The following CACNA1D variants were observed in gnomAD, a reference collection of about 807,000 sequenced individuals.
CACNA1D encodes calcium voltage-gated channel subunit alpha1 D, also known as voltage-dependent L-type calcium channel subunit alpha-1D.
CACNA1D carries 55 observed loss-of-function variants against 257.1 expected under a neutral mutation model. The observed-to-expected ratio is 0.21, with a 90% CI of 0.17 to 0.27. The LOEUF (loss-of-function observed/expected upper bound fraction) is 0.27. Ranked by LOEUF, CACNA1D falls within the 10% of genes least tolerant of loss-of-function variation. CACNA1D has a pLI of 1.00. For synonymous variants in CACNA1D, 980 were observed against 1,014.9 expected, an observed-to-expected ratio of 0.97 and a Z score of 0.65; for missense variants, 1,876 against 2,784.0, an observed-to-expected ratio of 0.67 and a Z score of 7.34.
chr3:53,700,540 G>A (rs2094613581), intron 8 of CACNA1D, among the ~76,000 whole-genome samples: 1 of 152,210 alleles, frequency 6.6e-6, no homozygotes, highest in African/African-American at 2.4e-5. Context: ...TATTTCCCAT[G>A]TGTCAGGAAA....
At chr3:53,584,237 A>G (rs1302374257) in intron 3 of CACNA1D, among the ~76,000 whole-genome samples, 1 of 152,188 alleles carries the variant, frequency 6.6e-6, no homozygotes, top group Non-Finnish European at 1.5e-5. Flanking sequence ...GAGAGAGGGA[A>G]TAGATGCACA....
rs534713576 is a variant in CACNA1D at position 53,705,097 on chromosome 3, G to T, written c.1390+2287G>T. 1.4e-4 allele frequency among the ~76,000 whole-genome samples: 22 copies of T among 152,332 alleles called. No homozygotes were observed. The South Asian group carries it at 3.9e-3, about 27-fold the overall frequency. On this transcript the variant is annotated intron_variant, in intron 9 of 47. Transcript: ENST00000350061. ...CTGCCTTTCAGAGAACTTGCCATGAGGGGAAGATGGAGAAGGAGTGGCTTA... is the reference window on the plus strand; with the variant it reads ...CTGCCTTTCAGAGAACTTGCCATGATGGGAAGATGGAGAAGGAGTGGCTTA...
At chr3:53,554,195 CAA>C (rs536981451) in intron 3 of CACNA1D, among the ~76,000 whole-genome samples, 44 of 113,932 alleles carry the variant, frequency 3.9e-4, no homozygotes, top group African/African-American at 1.0e-3. Flanking sequence ...GACTCTGTCT[CAA>C]AAAAAAAAAA....
chr3:53,521,571 A>G (rs1458078323), intron 3 of CACNA1D, among the ~76,000 whole-genome samples: 1 of 152,112 alleles, frequency 6.6e-6, no homozygotes, highest in Non-Finnish European at 1.5e-5. Flanking sequence ...TCACCTTGGG[A>G]CATTCTCAGT....
In CACNA1D at chr3:53,753,686, A is replaced by G; in HGVS notation, c.3786+4A>G. The G allele has an allele frequency of 6.4e-7, 1 of 1,570,264 alleles. No homozygotes were observed. The highest frequency in any genetic ancestry group is 8.8e-7 in the Non-Finnish European group (1 of 1,139,778). ...AGTCATCGCATTTAAGCCTAAGGTG[A>G]GTTGCAGAACCCACTTTTCAAAGGT... On this transcript the variant is annotated splice_donor_region_variant and intron_variant, in intron 29 of 47. Coordinates refer to ENST00000350061, the MANE Select transcript of CACNA1D (RefSeq NM_001128840.3).
intron 8 of CACNA1D, among the ~76,000 whole-genome samples, chr3:53,696,313 C>T (rs1001498049): frequency 1.3e-5 from 2 of 152,230 alleles, no homozygotes; most frequent in African/African-American, 4.8e-5. Context: ...CTACCTTCTC[C>T]TTCCTCTGCT....
chr3:53,678,295 A>G (rs1290555103), intron 8 of CACNA1D, among the ~76,000 whole-genome samples: 1 of 152,236 alleles, frequency 6.6e-6, no homozygotes, highest in East Asian at 1.9e-4. Flanking sequence ...TATTTGAAAT[A>G]CTTTGTTAAG....
chr3:53,678,808 A>G (rs753609532), intron 8 of CACNA1D, among the ~76,000 whole-genome samples: 1 of 152,326 alleles, frequency 6.6e-6, no homozygotes. Context: ...ATTTAAATTC[A>G]TACTAGTAAT....
intron 5 of CACNA1D, among the ~76,000 whole-genome samples, chr3:53,661,996 A>G (rs546262577): frequency 2.0e-5 from 3 of 152,310 alleles, no homozygotes; most frequent in African/African-American, 7.2e-5. Flanking sequence ...TCAAACTCAA[A>G]TAGGCTTTTG....
intron 3 of CACNA1D, among the ~76,000 whole-genome samples, chr3:53,570,209 TC>T (rs1452864460): frequency 1.3e-5 from 2 of 152,214 alleles, no homozygotes; most frequent in Non-Finnish European, 2.9e-5. Context: ...GCTTCAAAGA[TC>T]AAGGACTTCC....
chr3:53,695,048 A>G lies in CACNA1D; in HGVS notation c.1221-7593A>G, dbSNP rs546640344. 5.3e-5 allele frequency among the ~76,000 whole-genome samples: 8 copies of G among 152,300 alleles called. No individual in the cohort carries two copies. The East Asian group carries it at 1.5e-3, about 29-fold the overall frequency. Reference sequence around the variant, plus strand: ...GCCATTTCTCGTGAACTCACTCAGCACTTATGCTTCTTGGGTGTCAATGCC... The same window carrying G: ...GCCATTTCTCGTGAACTCACTCAGCGCTTATGCTTCTTGGGTGTCAATGCC... On this transcript the variant is annotated intron_variant, in intron 8 of 47. Coordinates refer to ENST00000350061, the MANE Select transcript of CACNA1D (RefSeq NM_001128840.3).
intron 3 of CACNA1D, among the ~76,000 whole-genome samples, chr3:53,628,287 A>T (rs147573362): frequency 6.6e-6 from 1 of 152,276 alleles, no homozygotes; most frequent in Non-Finnish European, 1.5e-5. Flanking sequence ...TCAAAGTATG[A>T]GGGTAACTTC....
intron 3 of CACNA1D, among the ~76,000 whole-genome samples, chr3:53,503,440 C>G (rs1322987827): frequency 6.6e-6 from 1 of 152,198 alleles, no homozygotes; most frequent in Non-Finnish European, 1.5e-5. Context: ...GCCTTGTTAC[C>G]AAATTTAACG....
At chr3:53,524,562 CAGGGCTCT>C (rs1336889556) in intron 3 of CACNA1D, among the ~76,000 whole-genome samples, 16 of 152,190 alleles carry the variant, frequency 1.1e-4, no homozygotes, top group Admixed American at 4.6e-4. Context: ...TTAGTAGGAA[CAGGGCTCT>C]AGGGATGAGA....
chr3:53,555,337 G>A (rs906411233), intron 3 of CACNA1D, among the ~76,000 whole-genome samples: 1 of 152,124 alleles, frequency 6.6e-6, no homozygotes, highest in African/African-American at 2.4e-5. Context: ...ATAACAAGAT[G>A]CAGGATAGGG....
At chr3:53,682,017 A>C (rs1013135079) in intron 8 of CACNA1D, among the ~76,000 whole-genome samples, 7 of 152,192 alleles carry the variant, frequency 4.6e-5, no homozygotes, top group Non-Finnish European at 8.8e-5. Flanking sequence ...TGGCCGGCAG[A>C]ATCCAGGTCA....
At chr3:53,573,723 G>A (rs1211302946) in intron 3 of CACNA1D, among the ~76,000 whole-genome samples, 3 of 152,118 alleles carry the variant, frequency 2.0e-5, no homozygotes, top group Non-Finnish European at 4.4e-5. Context: ...GAATAGCTCT[G>A]GGCACACAGG....
rs911140342 is a variant in CACNA1D, at chr3:53,751,435, C to T, written c.3517-314C>T. 3.3e-5 allele frequency among the ~76,000 whole-genome samples: 5 copies of T among 152,234 alleles called. No homozygotes were observed. Among genetic ancestry groups the T allele is most frequent in the Non-Finnish European group, 5.9e-5 (4 of 68,044 alleles). On this transcript the variant is annotated intron_variant, in intron 27 of 47. Transcript: ENST00000350061. This position sits in a 1 kb window ranked among gnomAD's most constrained non-coding sequence, Gnocchi z 4.3. ...GTCCTCACTCCTGCTTGTGTATACA[C>T]TGCAGGGCCTCAGGAAAGACAGCTA...
intron 3 of CACNA1D, among the ~76,000 whole-genome samples, chr3:53,569,116 A>G (rs2092900072): frequency 2.0e-5 from 3 of 151,728 alleles, no homozygotes; most frequent in African/African-American, 7.3e-5. Context: ...CTTCCTGGCC[A>G]TTTGTTGTCT....
Sources: gnomAD v4.1 joint callset for allele counts (sites outside exome capture counted in the v4.1 genomes callset) on GRCh38, gnomAD v4.1.1 for gene constraint, Gnocchi (gnomAD v3.1) non-coding constraint, MANE v1.5 for transcripts, NCBI Gene and HGNC (gene_info 2026-07-23, HGNC 2026-07-21) for gene names.